Variants in ARMH3 observed in about 807,000 individuals in gnomAD.
ARMH3 encodes armadillo-like helical domain-containing protein 3.
A neutral mutation model predicts 99.1 loss-of-function variants in ARMH3; 60 were observed. The ratio of observed to expected loss-of-function variants is 0.61; its 90% CI spans 0.49 to 0.75. The LOEUF (loss-of-function observed/expected upper bound fraction) is 0.75, where lower values mean the gene tolerates loss of function less well. Ranked by LOEUF, ARMH3 falls within the 30% of genes least tolerant of loss-of-function variation. The pLI is 0.00. For missense variants in ARMH3, 679 were observed against 843.1 expected, an observed-to-expected ratio of 0.81 and a Z score of 2.41; for synonymous variants, 285 against 292.8, an observed-to-expected ratio of 0.97 and a Z score of 0.27.
At chr10:102,046,173 T>C (rs1564883209) in intron 1 of ARMH3, among the ~76,000 whole-genome samples, 1 of 151,962 alleles carries the variant, frequency 6.6e-6, no homozygotes, top group African/African-American at 2.4e-5. Flanking sequence ...AAGCACTTTA[T>C]ATATATTAAT....
rs2135236909 is a variant in ARMH3, at chr10:101,846,130, C to G, written c.*1398G>C. The G allele has an allele frequency of 6.6e-6, 1 of 152,496 alleles. No individual in the cohort carries two copies. 9.4% of individuals were successfully genotyped at this position (152,496 alleles called of 1,614,324 possible). On this transcript the variant is annotated 3_prime_UTR_variant, in exon 26 of 26. Transcript: ENST00000370033. The stretch of plus-strand genomic sequence containing the variant: ...TCAGGAGATTTGCCTGTGGCCCCAC[C>G]CAGAATCTGAGCGGACAGAATGGAG...
Position 101,847,420 on chromosome 10 carries a change from C to G in ARMH3, c.*108G>C, listed in dbSNP as rs926567830. ...GGTCTTCACCAAGAGAACTTGGTAT[C>G]TGTGTTTCTCTCCAACCTCGGGGGC... On this transcript the variant is annotated 3_prime_UTR_variant, in exon 26 of 26. Transcript: ENST00000370033. 5.4e-6 allele frequency: 6 copies of G among 1,114,484 alleles called. No homozygotes were observed. In the African/African-American group the frequency reaches 9.3e-5, roughly 17 times the overall value. The allele number at this position is 1,114,484 out of a possible 1,614,324, so 69.0% of individuals were successfully genotyped here.
chr10:102,020,847 C>CA (rs1332174201), intron 8 of ARMH3, among the ~76,000 whole-genome samples: 4,783 of 67,374 alleles, frequency 0.071, 155 homozygotes, highest in Non-Finnish European at 0.099. Context: ...GACTCTGTCT[C>CA]AAAAAAAAAA....
At chr10:101,866,970 C>A (rs538675805) in intron 24 of ARMH3, among the ~76,000 whole-genome samples, 3 of 151,698 alleles carry the variant, frequency 2.0e-5, no homozygotes, top group Non-Finnish European at 4.4e-5. Context: ...ACAAAAGTAC[C>A]CTATTCTGAA....
Position 102,033,167 on chromosome 10 carries a change from A to C in ARMH3, c.165T>G (p.Asn55Lys), listed in dbSNP as rs2067172588. 6.2e-7 allele frequency: 1 copy of C among 1,614,058 alleles called. No homozygotes were observed. Among genetic ancestry groups the C allele is most frequent in the Non-Finnish European group, 8.5e-7 (1 of 1,180,038 alleles). ...FWEELFLMKV[N>K]LEYLEGKLES... ...CCAGCTTGCCTTCTAGGTACTCTAAATTCACCTGCCAAGGAAACAAATAAG... is the reference window on the plus strand; with the variant it reads ...CCAGCTTGCCTTCTAGGTACTCTAACTTCACCTGCCAAGGAAACAAATAAG... The change falls in exon 4 of 26, where the codon AAT becomes AAG. Residue 55 changes from asparagine to lysine, a missense_variant. By Grantham distance (94) the Asn-to-Lys change is moderately conservative. Transcript: ENST00000370033.
At chr10:101,901,104 T>C (rs139708206) in intron 23 of ARMH3, among the ~76,000 whole-genome samples, 1 of 151,568 alleles carries the variant, frequency 6.6e-6, no homozygotes, top group African/African-American at 2.4e-5. Flanking sequence ...CTAGACTAGA[T>C]GAGCCATACA....
At chr10:102,034,737 C>G (rs1408062924) in intron 2 of ARMH3, among the ~76,000 whole-genome samples, 2 of 151,382 alleles carry the variant, frequency 1.3e-5, no homozygotes, top group Non-Finnish European at 2.9e-5. Flanking sequence ...TTAAGCTGAC[C>G]TTTTAAAACT....
chr10:102,035,152 G>A (rs1029573715), intron 2 of ARMH3, among the ~76,000 whole-genome samples: 6 of 152,014 alleles, frequency 3.9e-5, no homozygotes, highest in Admixed American at 6.6e-5. Flanking sequence ...CGAGGCGCCC[G>A]GATCACGAGG....
chr10:101,925,859 C>T (rs764065392), intron 23 of ARMH3, among the ~76,000 whole-genome samples: 89 of 152,142 alleles, frequency 5.8e-4, no homozygotes, highest in Non-Finnish European at 1.1e-3. Context: ...TGCAGTGAGC[C>T]GAGATTGTGC....
chr10:101,899,979 T>C (rs1453172309), intron 23 of ARMH3, among the ~76,000 whole-genome samples: 2 of 152,204 alleles, frequency 1.3e-5, no homozygotes, highest in Non-Finnish European at 2.9e-5. Context: ...CCACAAGTGT[T>C]GAAAGAACCA....
At chr10:102,004,895 C>T (rs1266920084) in intron 14 of ARMH3, among the ~76,000 whole-genome samples, 25 of 152,070 alleles carry the variant, frequency 1.6e-4, no homozygotes, top group Admixed American at 1.4e-3. Flanking sequence ...TACAGTGAAA[C>T]CCCATCTCTA....
intron 19 of ARMH3, among the ~76,000 whole-genome samples, chr10:101,989,277 T>C (rs1335119956): frequency 6.6e-6 from 1 of 152,186 alleles, no homozygotes; most frequent in Non-Finnish European, 1.5e-5. Flanking sequence ...CACACACCTG[T>C]AGTCCCAGCT....
At chr10:101,859,302 G>T (rs1464053086) in intron 24 of ARMH3, among the ~76,000 whole-genome samples, 1 of 152,178 alleles carries the variant, frequency 6.6e-6, no homozygotes, top group Non-Finnish European at 1.5e-5. Context: ...GTAGCTAATT[G>T]TGAGTGCAAA....
chr10:101,958,768 A>G (rs1845155797), intron 20 of ARMH3, among the ~76,000 whole-genome samples: 1 of 152,130 alleles, frequency 6.6e-6, no homozygotes, highest in African/African-American at 2.4e-5. Context: ...TTTTGTGTGA[A>G]GTTTACTACT....
chr10:102,051,417 G>A (rs1020196409), intron 1 of ARMH3, among the ~76,000 whole-genome samples: 2 of 151,278 alleles, frequency 1.3e-5, no homozygotes, highest in Non-Finnish European at 2.9e-5. Flanking sequence ...AAGTTGCAGT[G>A]AGCCAAGACT....
intron 19 of ARMH3, among the ~76,000 whole-genome samples, chr10:101,975,567 CT>C: frequency 6.6e-6 from 1 of 152,024 alleles, no homozygotes; most frequent in African/African-American, 2.4e-5. Flanking sequence ...CCCATCTCTA[CT>C]AAAAGTACAA....
At chr10:102,007,944 A>G (rs540534195) in intron 13 of ARMH3, among the ~76,000 whole-genome samples, 2 of 152,146 alleles carry the variant, frequency 1.3e-5, no homozygotes, top group Non-Finnish European at 2.9e-5. Flanking sequence ...ACATGGTGAG[A>G]CACCCAGTAG....
chr10:101,922,071 A>G (rs1843329242), intron 23 of ARMH3, among the ~76,000 whole-genome samples: 1 of 152,206 alleles, frequency 6.6e-6, no homozygotes, highest in East Asian at 1.9e-4. Flanking sequence ...TATACAGTCT[A>G]TGCATGTAAC....
In ARMH3 at chr10:102,006,608, G is replaced by A. The variant is rs371331525; in HGVS notation, c.980C>T (p.Thr327Met). 3.0e-5 allele frequency: 48 copies of A among 1,613,930 alleles called. 1 individual carries two copies. Among genetic ancestry groups the A allele is most frequent in the African/African-American group, 1.6e-4 (12 of 75,028 alleles). Residue 327 changes from threonine (T) to methionine (M), a missense_variant, in exon 14 of 26, where the codon ACG (threonine) becomes ATG (methionine). Physicochemically the swap from Thr to Met is moderately conservative, Grantham distance 81 (BLOSUM62 -1). Coordinates refer to ENST00000370033, the MANE Select transcript of ARMH3 (RefSeq NM_024541.3). Reference sequence around the variant, plus strand: ...TGTAGGAGCAGGACTGACAGGGGTCGTCACCAAGCCCATTTCTGGATGGCT... The same window carrying A: ...TGTAGGAGCAGGACTGACAGGGGTCATCACCAAGCCCATTTCTGGATGGCT... ...AQSHPEMGLV[T>M]TPVSPAPTTP...
Sources: gnomAD v4.1 joint callset for allele counts (sites outside exome capture counted in the v4.1 genomes callset) on GRCh38, gnomAD v4.1.1 for gene constraint, MANE v1.5 for transcripts, NCBI Gene and HGNC (gene_info 2026-07-23, HGNC 2026-07-21) for gene names.